Variants in PDE6C observed in about 807,000 individuals in gnomAD.
The protein encoded by PDE6C is cone cGMP-specific 3',5'-cyclic phosphodiesterase subunit alpha'.
A neutral mutation model predicts 113.1 loss-of-function variants in PDE6C; 75 were observed. The ratio of observed to expected loss-of-function variants is 0.66; its 90% CI spans 0.55 to 0.80. PDE6C has a LOEUF of 0.80. PDE6C is among the 30% of genes least tolerant of loss of function. The probability of loss-of-function intolerance (pLI) is 0.00; values close to 1 mark genes in which losing one functional copy is unlikely to be tolerated. For synonymous variants in PDE6C, 375 were observed against 363.7 expected (o/e 1.03, Z -0.35); for missense variants, 912 against 1,038.6 (o/e 0.88, Z 1.67).
intron 8 of PDE6C, among the ~76,000 whole-genome samples, chr10:93,633,490 A>AAAAAAAAT (rs71485913): frequency 1.0e-4 from 13 of 129,436 alleles, no homozygotes; most frequent in African/African-American, 2.2e-4. Flanking sequence ...ATAAAAAAAA[A>AAAAAAAAT]TAAACAAGCT....
chr10:93,625,735 T>C, intron 5 of PDE6C, 86 bp downstream of exon 5: 2 of 859,540 alleles, frequency 2.3e-6, no homozygotes, highest in South Asian at 1.4e-5. Context: ...AGCACTGGCC[T>C]GGGAAGACCT....
intron 18 of PDE6C, among the ~76,000 whole-genome samples, chr10:93,660,097 T>C (rs1356453505): frequency 2.6e-5 from 4 of 152,150 alleles, no homozygotes; most frequent in South Asian, 2.1e-4. Context: ...GGTTTAACTA[T>C]AAAAGTGGGT....
chr10:93,641,149 T>C, intron 14 of PDE6C, 120 bp downstream of exon 14: 1 of 681,342 alleles, frequency 1.5e-6, no homozygotes, highest in South Asian at 1.7e-5. Flanking sequence ...ATGTTGGAAA[T>C]TCCAGGGCTG....
chr10:93,621,308 G>T (rs558555049), intron 3 of PDE6C, among the ~76,000 whole-genome samples: 1 of 152,300 alleles, frequency 6.6e-6, no homozygotes, highest in East Asian at 1.9e-4. Flanking sequence ...TTAGCGATTA[G>T]CTCTCAAATA....
At chr10:93,623,617 T>C (rs1031829049) in intron 4 of PDE6C, among the ~76,000 whole-genome samples, 1 of 152,232 alleles carries the variant, frequency 6.6e-6, no homozygotes, top group Admixed American at 6.5e-5. Flanking sequence ...GTATAATCCA[T>C]TTTGAGTTAT....
At chr10:93,624,350 C>T (rs555714044) in intron 4 of PDE6C, among the ~76,000 whole-genome samples, 2 of 152,226 alleles carry the variant, frequency 1.3e-5, no homozygotes, top group East Asian at 1.9e-4. Flanking sequence ...CAGGTTCAAG[C>T]GATTCTCATG....
Position 93,663,013 on chromosome 10 carries a change from TA to T in PDE6C, c.2368-11del, listed in dbSNP as rs777952605. 2.8e-5 allele frequency: 45 copies of T among 1,606,708 alleles called. No individual in the cohort carries two copies. Among genetic ancestry groups the T allele is most frequent in the Non-Finnish European group, 8.5e-7 (1 of 1,175,332 alleles). Reference sequence around the variant, plus strand: ...TGTATGATTTATGTAGTTTCTGACCTAAAATTCCTTTTAGGAGTTCTCACGG... The same window carrying T: ...TGTATGATTTATGTAGTTTCTGACCTAAATTCCTTTTAGGAGTTCTCACGG... On this transcript the variant is annotated splice_polypyrimidine_tract_variant and intron_variant, in intron 20 of 21. Coordinates refer to ENST00000371447, the MANE Select transcript of PDE6C (RefSeq NM_006204.4).
intron 8 of PDE6C, among the ~76,000 whole-genome samples, chr10:93,630,005 T>G (rs2058492545): frequency 6.6e-6 from 1 of 152,134 alleles, no homozygotes. Context: ...GTTCTCTGCA[T>G]GCATGAATGG....
chr10:93,622,658 TTTTGTTG>T lies in PDE6C; in HGVS notation c.864+590_864+596del, dbSNP rs1275698934. Reference sequence around the variant, plus strand: ...CCACAGGTTTTTTTTTTGTTTTTTTTTTTGTTGTTTTTTTTTTTTTGCTGTTTCTATA... The same window carrying T: ...CCACAGGTTTTTTTTTTGTTTTTTTTTTTTTTTTTTTTTGCTGTTTCTATA... On this transcript the variant is annotated intron_variant, in intron 4 of 21. Transcript: ENST00000371447. 1.7e-3 allele frequency among the ~76,000 whole-genome samples: 119 copies of T among 71,254 alleles called. 6 individuals are homozygous for T. Among genetic ancestry groups the T allele is most frequent in the East Asian group, 0.015 (30 of 1,990 alleles). The allele number at this position is 71,254 out of a possible 152,430, so 46.7% of individuals were successfully genotyped here. A position where few individuals can be genotyped will look rare whatever the true frequency, so the allele number is the denominator to read the frequency against.
intron 4 of PDE6C, among the ~76,000 whole-genome samples, chr10:93,624,583 A>G (rs2058463438): frequency 6.6e-6 from 1 of 152,138 alleles, no homozygotes; most frequent in Admixed American, 6.5e-5. Flanking sequence ...TTATTTTTTC[A>G]GAGTAATTGT....
Position 93,635,481 on chromosome 10 carries a change from C to T in PDE6C, c.1270-16C>T. On this transcript the variant is annotated splice_polypyrimidine_tract_variant and intron_variant, in intron 9 of 21. Transcript: ENST00000371447. ...TTTCACTGAAGAGAATTAGAATCAC[C>T]TTTTATCCATTTCAGACTCTCACAC... 6.2e-7 allele frequency: 1 copy of T among 1,606,380 alleles called. No homozygotes were observed.
At chr10:93,636,861 G>C in intron 10 of PDE6C, 134 bp from the exon 11 acceptor site, 1 of 661,220 alleles carries the variant, frequency 1.5e-6, no homozygotes, top group Non-Finnish European at 2.8e-6. Context: ...TCCAACTCCT[G>C]GGCTCCAGGG....
intron 15 of PDE6C, among the ~76,000 whole-genome samples, chr10:93,653,326 T>C (rs1162159772): frequency 6.6e-6 from 1 of 152,124 alleles, no homozygotes; most frequent in African/African-American, 2.4e-5. Flanking sequence ...ACAATAGACT[T>C]CTGTGAAATG....
chr10:93,638,627 A>C (rs2058545099), intron 11 of PDE6C, among the ~76,000 whole-genome samples: 1 of 152,232 alleles, frequency 6.6e-6, no homozygotes, highest in African/African-American at 2.4e-5. Context: ...TTTGAATGTA[A>C]AATCTACTCA....
intron 5 of PDE6C, among the ~76,000 whole-genome samples, chr10:93,626,080 T>A (rs1564797420): frequency 6.6e-6 from 1 of 152,138 alleles, no homozygotes; most frequent in East Asian, 1.9e-4. Context: ...GAGAAGGGGA[T>A]GGATTGTGTC....
At chr10:93,636,860 T>G (rs1589698623) in intron 10 of PDE6C, 135 bp from the exon 11 acceptor site, 1 of 660,640 alleles carries the variant, frequency 1.5e-6, no homozygotes, top group Non-Finnish European at 2.8e-6. Context: ...TTCCAACTCC[T>G]GGGCTCCAGG....
chr10:93,631,102 T>A (rs1365516173), intron 8 of PDE6C, among the ~76,000 whole-genome samples: 3 of 152,250 alleles, frequency 2.0e-5, no homozygotes, highest in African/African-American at 7.2e-5. Flanking sequence ...CATGCTCCAC[T>A]GCAGCTACTG....
In PDE6C at chr10:93,630,744, C is replaced by T. The variant is rs184184868; in HGVS notation, c.1119+1439C>T. Among the ~76,000 whole-genome samples, 214 of 152,248 alleles carry T rather than the reference C, an allele frequency of 1.4e-3. 1 individual carries two copies. Among genetic ancestry groups the T allele is most frequent in the African/African-American group, 4.8e-3 (198 of 41,554 alleles). ...CCCAGGCTGCAGCGTGCCTCCTTAGCGGCAGAACCACACCACACCTTGGGG... is the reference window on the plus strand; with the variant it reads ...CCCAGGCTGCAGCGTGCCTCCTTAGTGGCAGAACCACACCACACCTTGGGG... On this transcript the variant is annotated intron_variant, in intron 8 of 21. Coordinates refer to ENST00000371447, the MANE Select transcript of PDE6C (RefSeq NM_006204.4).
At position 93,635,607 on chromosome 10, in the gene PDE6C, C is replaced by G. The variant is rs3737228; in HGVS notation, c.1380C>G (p.Thr460=). 432,481 of 1,612,322 alleles carry G rather than the reference C, an allele frequency of 0.27. 60,178 individuals carry two copies. Among genetic ancestry groups the G allele is most frequent in the East Asian group, 0.35 (15,850 of 44,822 alleles). The stretch of plus-strand genomic sequence containing the variant: ...CTCAGGAAATGCTCATGAACCAAAC[C>G]AAAGCCACTCCTGAAGAAATTAAGT... ...DIAQEMLMNQ[T]KATPEEIKSI... The change falls in exon 10 of 22, where the codon ACC becomes ACG. Residue 460 remains threonine (T), a synonymous_variant. Coordinates refer to ENST00000371447, the MANE Select transcript of PDE6C (RefSeq NM_006204.4).
Sources: gnomAD v4.1 joint callset for allele counts (sites outside exome capture counted in the v4.1 genomes callset) on GRCh38, gnomAD v4.1.1 for gene constraint, MANE v1.5 for transcripts, NCBI Gene and HGNC (gene_info 2026-07-23, HGNC 2026-07-21) for gene names.